ATP2A2: variants seen among roughly 807,000 people sequenced by gnomAD.
ATP2A2 encodes ATPase sarcoplasmic/endoplasmic reticulum Ca2+ transporting 2.
A neutral mutation model predicts 109.3 loss-of-function variants in ATP2A2; 14 were observed. That is an observed-to-expected ratio of 0.13 (90% CI 0.08 to 0.20). The LOEUF is 0.20. Ranked by LOEUF, ATP2A2 falls within the 10% of genes least tolerant of loss-of-function variation. The pLI is 1.00. For missense variants in ATP2A2, 657 were observed against 1,321.6 expected (o/e 0.50, Z 7.80); for synonymous variants, 506 against 490.9 (o/e 1.03, Z -0.41).
chr12:110,314,850 A>G (rs894071053), intron 5 of ATP2A2, among the ~76,000 whole-genome samples: 1 of 152,130 alleles, frequency 6.6e-6, no homozygotes, highest in African/African-American at 2.4e-5. Context: ...GATGTCCAGA[A>G]AATCCAGAAG....
chr12:110,287,636 A>G (rs1315263618), intron 3 of ATP2A2, among the ~76,000 whole-genome samples: 1 of 151,964 alleles, frequency 6.6e-6, no homozygotes, highest in African/African-American at 2.4e-5. Flanking sequence ...TTTTTTTGAG[A>G]CGGAGTCCTG....
At chr12:110,285,074 T>C (rs1254719696) in intron 3 of ATP2A2, among the ~76,000 whole-genome samples, 1 of 152,236 alleles carries the variant, frequency 6.6e-6, no homozygotes, top group Non-Finnish European at 1.5e-5. Context: ...GCGATTCTTA[T>C]ATACATCATG....
In ATP2A2 at chr12:110,299,785, C is replaced by T. The variant is rs1262124208; in HGVS notation, c.463+3048C>T. ...CAGGCATGAGCCACCATGTACCTGG[C>T]TAAGTTTTGTATTTTTTTTGTAGAG... On this transcript the variant is annotated intron_variant, in intron 5 of 19. Coordinates refer to ENST00000539276, the MANE Select transcript of ATP2A2 (RefSeq NM_170665.4). 2.0e-5 allele frequency among the ~76,000 whole-genome samples: 3 copies of T among 152,176 alleles called. No homozygotes were observed. The East Asian group carries it at 5.8e-4, about 29-fold the overall frequency.
chr12:110,340,812 G>A lies in ATP2A2; in HGVS notation c.1915G>A (p.Gly639Ser), dbSNP rs532508915. ...GTAVAICRRI[G>S]IFGQDEDVTS... ...TGCTGTGGCCATCTGTCGCCGCATC[G>A]GCATCTTCGGGCAGGATGAGGACGT... is the stretch of plus-strand genomic sequence containing the variant. Residue 639 changes from glycine to serine, a missense_variant, in exon 14 of 20, where the codon GGC becomes AGC. Gly to Ser is a moderately conservative substitution (Grantham distance 56, BLOSUM62 0). This residue lies in a region of ATP2A2 where 180 missense variants were observed against 329.1 expected (regional missense o/e 0.55). Transcript: ENST00000539276. The surrounding 1 kb of genome is among the most constrained non-coding windows in gnomAD (Gnocchi z 6.0). 2 of 1,614,200 alleles carry A rather than the reference G, an allele frequency of 1.2e-6. No individual in the cohort carries two copies. The highest frequency in any genetic ancestry group is 8.5e-7 in the Non-Finnish European group (1 of 1,180,042).
At chr12:110,292,441 A>AT (rs1472087006) in intron 4 of ATP2A2, among the ~76,000 whole-genome samples, 1 of 151,678 alleles carries the variant, frequency 6.6e-6, no homozygotes, top group South Asian at 2.1e-4. Flanking sequence ...TCATTTTTGT[A>AT]TTTTTTGGTA....
chr12:110,332,500 G>GTTGT, intron 8 of ATP2A2, 97 bp from the exon 9 acceptor site: 1 of 1,030,538 alleles, frequency 9.7e-7, no homozygotes, highest in Non-Finnish European at 1.5e-6. Flanking sequence ...AATGAAAGAG[G>GTTGT]TTGTTTGCCT....
intron 5 of ATP2A2, among the ~76,000 whole-genome samples, chr12:110,299,905 C>T (rs1426318009): frequency 1.3e-5 from 2 of 151,796 alleles, no homozygotes; most frequent in Non-Finnish European, 2.9e-5. Flanking sequence ...TACAGGCATG[C>T]GCCATCATGC....
At position 110,350,366 on chromosome 12, in the gene ATP2A2, T is replaced by C; in HGVS notation, c.*3896T>C. On this transcript the variant is annotated 3_prime_UTR_variant, in exon 20 of 20. Coordinates refer to ENST00000539276, the MANE Select transcript of ATP2A2 (RefSeq NM_170665.4). Reference sequence around the variant, plus strand: ...GTTCGGTTGCGTGCATGTGCGTTTTTAGCAACACATCTACCAACCCTGTGC... The same window carrying C: ...GTTCGGTTGCGTGCATGTGCGTTTTCAGCAACACATCTACCAACCCTGTGC... 2 of 1,613,826 alleles carry C rather than the reference T, an allele frequency of 1.2e-6. No homozygotes were observed. Among genetic ancestry groups the C allele is most frequent in the South Asian group, 2.2e-5 (2 of 91,070 alleles).
At chr12:110,284,995 A>T (rs1278769714) in intron 3 of ATP2A2, among the ~76,000 whole-genome samples, 5 of 152,158 alleles carry the variant, frequency 3.3e-5, no homozygotes, top group Admixed American at 6.5e-5. Flanking sequence ...TTTTTGTGTC[A>T]GTTTATTCCT....
intron 5 of ATP2A2, among the ~76,000 whole-genome samples, chr12:110,299,460 A>G (rs1448151570): frequency 6.6e-6 from 1 of 152,182 alleles, no homozygotes; most frequent in Non-Finnish European, 1.5e-5. Context: ...GTGGCTCTTA[A>G]GCAGGAGTGC....
intron 5 of ATP2A2, among the ~76,000 whole-genome samples, chr12:110,314,691 G>T (rs1266187078): frequency 6.6e-6 from 1 of 152,122 alleles, no homozygotes; most frequent in African/African-American, 2.4e-5. Context: ...TTAGTAACCT[G>T]TGAAGCTGTT....
chr12:110,282,048 C>T (rs1872157025), intron 1 of ATP2A2, 141 bp downstream of exon 1: 1 of 582,428 alleles, frequency 1.7e-6, no homozygotes, highest in Non-Finnish European at 2.8e-6. Flanking sequence ...CGCGCCGGCC[C>T]CGCGGGAGAG....
chr12:110,345,594 C>A (rs1879770991), intron 18 of ATP2A2: 3 of 776,112 alleles, frequency 3.9e-6, no homozygotes, highest in Admixed American at 2.6e-5. Context: ...AGGAGCTCTT[C>A]CTTAAAAGAA....
chr12:110,324,760 G>A (rs1877601571), intron 6 of ATP2A2, among the ~76,000 whole-genome samples: 1 of 151,946 alleles, frequency 6.6e-6, no homozygotes. Flanking sequence ...GACTTTGGGA[G>A]GCTGCGGCAG....
chr12:110,333,480 G>A (rs969503977), intron 10 of ATP2A2, among the ~76,000 whole-genome samples, 197 bp downstream of exon 10: 3 of 152,186 alleles, frequency 2.0e-5, no homozygotes, highest in Admixed American at 1.3e-4. Context: ...CATATCCTCT[G>A]TGACTGAGCA....
chr12:110,326,586 A>G, intron 7 of ATP2A2, 111 bp downstream of exon 7: 1 of 1,051,212 alleles, frequency 9.5e-7, no homozygotes. Flanking sequence ...GGATAATCAC[A>G]CTTTTCATGG....
At chr12:110,332,499 G>C in intron 8 of ATP2A2, 98 bp from the exon 9 acceptor site, 1 of 1,016,522 alleles carries the variant, frequency 9.8e-7, no homozygotes, top group Non-Finnish European at 1.6e-6. Context: ...AAATGAAAGA[G>C]GTTGTTTGCC....
chr12:110,314,542 G>C (rs1031271694), intron 5 of ATP2A2, among the ~76,000 whole-genome samples: 10 of 152,134 alleles, frequency 6.6e-5, no homozygotes, highest in African/African-American at 2.4e-4. Context: ...TAAAAATAGA[G>C]GATGATTCAT....
At chr12:110,313,310 CTT>C (rs748790705) in intron 5 of ATP2A2, among the ~76,000 whole-genome samples, 97 of 113,192 alleles carry the variant, frequency 8.6e-4, no homozygotes, top group African/African-American at 3.1e-3. Context: ...ACCACCTTTC[CTT>C]TTTTTTTTTT....
Sources: allele counts gnomAD v4.1 joint callset (sites outside exome capture counted in the v4.1 genomes callset), GRCh38; gene constraint gnomAD v4.1.1; regional missense constraint gnomAD v4.1.1; non-coding constraint Gnocchi (gnomAD v3.1); transcripts MANE v1.5; gene names NCBI Gene and HGNC (gene_info 2026-07-23, HGNC 2026-07-21).